The following GABRG3 variants were observed in gnomAD, a reference collection of about 807,000 sequenced individuals.
The protein encoded by GABRG3 is gamma-aminobutyric acid receptor subunit gamma-3.
Under a neutral mutation model 48.8 loss-of-function variants are expected in GABRG3, and 25 were observed. The ratio of observed to expected loss-of-function variants is 0.51; its 90% CI spans 0.37 to 0.72. GABRG3 has a LOEUF of 0.72. Ranked by LOEUF, GABRG3 falls within the 30% of genes least tolerant of loss-of-function variation. GABRG3 has a pLI of 0.00. For missense variants in GABRG3, 394 were observed against 577.9 expected (o/e 0.68, Z 3.26); for synonymous variants, 227 against 217.6 (o/e 1.04, Z -0.38).
intron 5 of GABRG3, among the ~76,000 whole-genome samples, chr15:27,356,498 T>G (rs551837181): frequency 1.3e-5 from 2 of 152,302 alleles, no homozygotes; most frequent in African/African-American, 4.8e-5. Context: ...TCTCCATCTT[T>G]TCCCCAACAT....
At chr15:27,490,320 G>A (rs1008709542) in intron 6 of GABRG3, among the ~76,000 whole-genome samples, 2 of 152,190 alleles carry the variant, frequency 1.3e-5, no homozygotes, top group Admixed American at 6.5e-5. Flanking sequence ...AGTCCACACT[G>A]CTTCTGTGCA....
chr15:27,360,870 G>C (rs1401984617), intron 5 of GABRG3, among the ~76,000 whole-genome samples: 1 of 152,224 alleles, frequency 6.6e-6, no homozygotes, highest in African/African-American at 2.4e-5. Flanking sequence ...TGACGGCACT[G>C]TCTGGCCATG....
At chr15:27,409,192 G>A (rs1481911493) in intron 5 of GABRG3, among the ~76,000 whole-genome samples, 1 of 151,968 alleles carries the variant, frequency 6.6e-6, no homozygotes, top group Admixed American at 6.6e-5. Context: ...CTAGACTGCT[G>A]TCTGAAAGAT....
At chr15:27,184,693 T>C (rs549119563) in intron 3 of GABRG3, among the ~76,000 whole-genome samples, 1 of 152,344 alleles carries the variant, frequency 6.6e-6, no homozygotes, top group South Asian at 2.1e-4. Flanking sequence ...AGGAAGCTTT[T>C]AAATTATGGA....
chr15:27,530,717 G>A (rs774996733), intron 9 of GABRG3: 3 of 471,050 alleles, frequency 6.4e-6, no homozygotes, highest in South Asian at 4.6e-5. Context: ...GTCTAAGTCA[G>A]AATCTTCCTG....
At chr15:27,333,321 G>A (rs1893861504) in intron 5 of GABRG3, among the ~76,000 whole-genome samples, 1 of 152,172 alleles carries the variant, frequency 6.6e-6, no homozygotes, top group Non-Finnish European at 1.5e-5. Context: ...AAATCAAGGT[G>A]TGGGCAGGGC....
intron 5 of GABRG3, among the ~76,000 whole-genome samples, chr15:27,442,353 T>C (rs756751755): frequency 6.6e-6 from 1 of 152,244 alleles, no homozygotes; most frequent in Non-Finnish European, 1.5e-5. Flanking sequence ...CTCAGGAAGA[T>C]GGGCAATGCC....
intron 6 of GABRG3, among the ~76,000 whole-genome samples, chr15:27,513,348 G>C (rs576454712): frequency 6.6e-6 from 1 of 152,130 alleles, no homozygotes; most frequent in African/African-American, 2.4e-5. Flanking sequence ...TACTCGGGAG[G>C]CTGAGGCAGG....
chr15:27,022,246 CA>C (rs1300387504), intron 2 of GABRG3, among the ~76,000 whole-genome samples: 2 of 152,212 alleles, frequency 1.3e-5, no homozygotes, highest in Non-Finnish European at 2.9e-5. Flanking sequence ...TACAACTTGC[CA>C]CTTCACGCTG....
At chr15:27,012,110 GA>G (rs1895700349) in intron 2 of GABRG3, among the ~76,000 whole-genome samples, 1 of 152,046 alleles carries the variant, frequency 6.6e-6, no homozygotes. Context: ...AGATGGAGAT[GA>G]ATTCTCTATT....
intron 3 of GABRG3, among the ~76,000 whole-genome samples, chr15:27,104,584 G>A (rs1216110374): frequency 6.6e-6 from 1 of 152,194 alleles, no homozygotes; most frequent in Admixed American, 6.5e-5. Context: ...AGACACCAAC[G>A]AGGCATGGCT....
chr15:26,979,776 T>C (rs1220353800), intron 2 of GABRG3, among the ~76,000 whole-genome samples: 1 of 151,580 alleles, frequency 6.6e-6, no homozygotes, highest in African/African-American at 2.4e-5. Context: ...GAATTCTGTT[T>C]GTTAATATTT....
chr15:27,526,873 T>G (rs938693233), intron 7 of GABRG3, among the ~76,000 whole-genome samples: 10 of 152,132 alleles, frequency 6.6e-5, no homozygotes, highest in African/African-American at 2.4e-4. Flanking sequence ...GACCACACAA[T>G]CTATCTAGGA....
intron 6 of GABRG3, among the ~76,000 whole-genome samples, chr15:27,494,297 ATTTG>A (rs1264492623): frequency 6.6e-6 from 1 of 152,068 alleles, no homozygotes; most frequent in African/African-American, 2.4e-5. Context: ...ATTTGATGAT[ATTTG>A]TTTATATCTT....
intron 2 of GABRG3, among the ~76,000 whole-genome samples, chr15:26,982,654 A>G (rs752358910): frequency 1.3e-5 from 2 of 152,236 alleles, no homozygotes; most frequent in Admixed American, 6.5e-5. Flanking sequence ...TTTCCCAAAT[A>G]AAACAGCATA....
At position 27,438,308 on chromosome 15, in the gene GABRG3, T is replaced by C. The variant is rs567492100; in HGVS notation, c.575-42342T>C. Among the ~76,000 whole-genome samples the C allele has an allele frequency of 1.2e-4, 18 of 152,356 alleles. No individual in the cohort carries two copies. The East Asian group carries it at 1.9e-3, about 16-fold the overall frequency. On this transcript the variant is annotated intron_variant, in intron 5 of 9. Coordinates refer to ENST00000615808, the MANE Select transcript of GABRG3 (RefSeq NM_033223.5). ...TTTAGAATTTTCTTAATAGCTTAGC[T>C]AAATTTAAAGCTGCTTGCTAACAAT...
chr15:27,065,764 A>G lies in GABRG3; in HGVS notation c.270+38943A>G, dbSNP rs980879327. Among the ~76,000 whole-genome samples the G allele has an allele frequency of 3.9e-5, 6 of 152,356 alleles. No homozygotes were observed. In the East Asian group the frequency reaches 7.7e-4, roughly 20 times the overall value. On this transcript the variant is annotated intron_variant, in intron 3 of 9. Coordinates refer to ENST00000615808, the MANE Select transcript of GABRG3 (RefSeq NM_033223.5). ...AACAACCAAAATGCTGCCCAATAGG[A>G]CACAGCACTTTACTTGCTGCTTTTT... is the stretch of plus-strand genomic sequence containing the variant.
intron 5 of GABRG3, among the ~76,000 whole-genome samples, chr15:27,329,461 C>T (rs970791552): frequency 2.6e-5 from 4 of 152,068 alleles, no homozygotes; most frequent in African/African-American, 9.7e-5. Flanking sequence ...GACAGGGTTT[C>T]ACCATGTTGG....
chr15:27,318,853 T>C (rs183418113), intron 3 of GABRG3, among the ~76,000 whole-genome samples: 5 of 152,214 alleles, frequency 3.3e-5, no homozygotes, highest in East Asian at 1.9e-4. Flanking sequence ...TGGAAACCAT[T>C]TGGACCAGAG....
Sources: allele counts gnomAD v4.1 joint callset (sites outside exome capture counted in the v4.1 genomes callset), GRCh38; gene constraint gnomAD v4.1.1; transcripts MANE v1.5; gene names NCBI Gene and HGNC (gene_info 2026-07-23, HGNC 2026-07-21).